TYW1: variants seen among roughly 807,000 people sequenced by gnomAD.
TYW1 encodes the protein tRNA-yW synthesizing protein 1 homolog.
A neutral mutation model predicts 96.2 loss-of-function variants in TYW1; 46 were observed. That is an observed-to-expected ratio of 0.48 (90% CI 0.38 to 0.61). The LOEUF is 0.61. Ranked by LOEUF, TYW1 falls within the 20% of genes least tolerant of loss-of-function variation. The pLI, the probability that TYW1 is intolerant of heterozygous loss-of-function variation, is 0.00. For missense variants in TYW1, 684 were observed against 909.6 expected, an observed-to-expected ratio of 0.75 and a Z score of 3.19; for synonymous variants, 274 against 323.0, an observed-to-expected ratio of 0.85 and a Z score of 1.63.
At chr7:67,011,279 T>C (rs1212253147) in intron 4 of TYW1, among the ~76,000 whole-genome samples, 1 of 151,978 alleles carries the variant, frequency 6.6e-6, no homozygotes, top group Non-Finnish European at 1.5e-5. Context: ...ATCAGGTGAT[T>C]TATTTGCCTC....
At chr7:67,220,243 A>G (rs868783553) in intron 15 of TYW1, among the ~76,000 whole-genome samples, 10 of 122,848 alleles carry the variant, frequency 8.1e-5, no homozygotes, top group South Asian at 2.5e-4. Context: ...TGGCTCTGTC[A>G]CCCAGGCTGG....
intron 9 of TYW1, among the ~76,000 whole-genome samples, chr7:67,065,313 G>T (rs1361417660): frequency 6.6e-6 from 1 of 152,182 alleles, no homozygotes; most frequent in Non-Finnish European, 1.5e-5. Context: ...TCCACATGCC[G>T]TTGCATTGCA....
At chr7:67,001,647 C>T (rs1159545472) in intron 3 of TYW1, among the ~76,000 whole-genome samples, 1 of 151,678 alleles carries the variant, frequency 6.6e-6, no homozygotes, top group Non-Finnish European at 1.5e-5. Context: ...TTCTCGAACT[C>T]CTGACCTCAT....
chr7:67,117,332 T>A, intron 12 of TYW1, 151 bp from the exon 13 acceptor site: 1 of 781,006 alleles, frequency 1.3e-6, no homozygotes, highest in Non-Finnish European at 1.8e-6. Context: ...ATGATTAAAA[T>A]CATTAGTTCA....
At chr7:67,073,062 G>A (rs1796083977) in intron 10 of TYW1, among the ~76,000 whole-genome samples, 1 of 149,420 alleles carries the variant, frequency 6.7e-6, no homozygotes, top group African/African-American at 2.5e-5. Context: ...GAGATTATAG[G>A]CGTGGGCTAC....
chr7:67,018,138 A>T lies in TYW1; in HGVS notation c.856A>T (p.Thr286Ser). 1 of 1,611,946 alleles carries T rather than the reference A, an allele frequency of 6.2e-7. No individual in the cohort carries two copies. Among genetic ancestry groups the T allele is most frequent in the African/African-American group, 1.3e-5 (1 of 74,952 alleles). ...GCAGGATGAATTGCATCATAGAGAC[A>T]CCGAGGTATACCGCCTGTGTGTTCA... ...HEQDELHHRD[T>S]EEEEPFESSS... The change falls in exon 6 of 16, where the codon ACC (threonine) becomes TCC (serine). Residue 286 changes from threonine (T) to serine (S), a missense_variant. Coordinates refer to ENST00000359626, the MANE Select transcript of TYW1 (RefSeq NM_018264.4).
chr7:67,021,509 C>T (rs920784537), intron 6 of TYW1, among the ~76,000 whole-genome samples: 4 of 152,282 alleles, frequency 2.6e-5, no homozygotes, highest in Admixed American at 2.0e-4. Context: ...ACTCAGGTAT[C>T]GTCTCATTCG....
intron 14 of TYW1, among the ~76,000 whole-genome samples, chr7:67,194,585 C>G (rs1454661671): frequency 2.0e-5 from 3 of 152,054 alleles, no homozygotes; most frequent in Admixed American, 6.5e-5. Context: ...GATTGCGCCA[C>G]TGCACTCCAG....
chr7:67,155,257 G>A (rs773070403), intron 13 of TYW1, among the ~76,000 whole-genome samples: 1 of 152,158 alleles, frequency 6.6e-6, no homozygotes, highest in Non-Finnish European at 1.5e-5. Context: ...GTGGGGCCTG[G>A]TAGAAGGTGT....
intron 13 of TYW1, among the ~76,000 whole-genome samples, chr7:67,134,434 CA>C (rs1798181685): frequency 6.6e-6 from 1 of 151,696 alleles, no homozygotes; most frequent in Middle Eastern, 3.4e-3. Context: ...TTCAGCTACT[CA>C]GGAGGCTGAG....
intron 13 of TYW1, among the ~76,000 whole-genome samples, chr7:67,151,804 TTTG>T (rs1554377566): frequency 6.6e-6 from 1 of 151,600 alleles, no homozygotes; most frequent in Non-Finnish European, 1.5e-5. Context: ...TGCTGCTTTT[TTTG>T]TTGTTGTTGT....
intron 13 of TYW1, among the ~76,000 whole-genome samples, chr7:67,154,271 A>T (rs1798896921): frequency 6.6e-6 from 1 of 152,170 alleles, no homozygotes; most frequent in Non-Finnish European, 1.5e-5. Context: ...GATTATAAAC[A>T]GTTGAGCATA....
chr7:67,097,613 G>A (rs1029319441), intron 11 of TYW1, among the ~76,000 whole-genome samples: 2 of 152,168 alleles, frequency 1.3e-5, no homozygotes, highest in Non-Finnish European at 2.9e-5. Context: ...TGCCAGGCTG[G>A]TGTTGAACTC....
chr7:67,131,127 C>A (rs1798060822), intron 13 of TYW1, among the ~76,000 whole-genome samples: 1 of 151,858 alleles, frequency 6.6e-6, no homozygotes, highest in Non-Finnish European at 1.5e-5. Flanking sequence ...AAGCTTGGGT[C>A]TCTGAAACAA....
chr7:67,119,993 C>T (rs896376645), intron 13 of TYW1, among the ~76,000 whole-genome samples: 1 of 152,086 alleles, frequency 6.6e-6, no homozygotes, highest in Non-Finnish European at 1.5e-5. Context: ...TCTCAAACTC[C>T]TGGCCTCAGG....
intron 13 of TYW1, among the ~76,000 whole-genome samples, chr7:67,135,487 A>G (rs1798222344): frequency 6.6e-6 from 1 of 151,598 alleles, no homozygotes; most frequent in Admixed American, 6.6e-5. Context: ...GTATTTTAGT[A>G]GAGATGAGGT....
chr7:67,225,477 G>A (rs1801531442), intron 15 of TYW1, among the ~76,000 whole-genome samples: 2 of 152,096 alleles, frequency 1.3e-5, no homozygotes, highest in African/African-American at 4.8e-5. Context: ...CTCCTTTTTG[G>A]AGATAATAAA....
chr7:67,025,278 G>T (rs1794411645), intron 7 of TYW1, among the ~76,000 whole-genome samples: 1 of 151,994 alleles, frequency 6.6e-6, no homozygotes, highest in Non-Finnish European at 1.5e-5. Context: ...TAGATTGGGG[G>T]TGTCCAATCT....
intron 15 of TYW1, among the ~76,000 whole-genome samples, chr7:67,202,167 T>C (rs148371489): frequency 0.014 from 2,110 of 152,134 alleles, 51 homozygotes; most frequent in African/African-American, 0.048. Flanking sequence ...TCTCGGAGTA[T>C]GCAGATCTTG....
Sources: gnomAD v4.1 joint callset for allele counts (sites outside exome capture counted in the v4.1 genomes callset) on GRCh38, gnomAD v4.1.1 for gene constraint, MANE v1.5 for transcripts, NCBI Gene and HGNC (gene_info 2026-07-23, HGNC 2026-07-21) for gene names.